The following MYO15B variants were observed in gnomAD, a reference collection of about 807,000 sequenced individuals.
The protein encoded by MYO15B is myosin XVB, also known as myosin XVB pseudogene.
In MYO15B, 207 loss-of-function variants were observed where a neutral mutation model predicts 119.3. That is an observed-to-expected ratio of 1.73 (90% confidence interval 1.55 to 1.95). MYO15B has a LOEUF of 1.95. Among genes scored for constraint, MYO15B ranks in the 30% most tolerant of loss-of-function variants. The probability of loss-of-function intolerance (pLI) is 0.00; values close to 1 mark genes in which losing one functional copy is unlikely to be tolerated. For synonymous variants in MYO15B, 966 were observed against 498.9 expected, an observed-to-expected ratio of 1.94 and a Z score of -12.48; for missense variants, 2,264 against 1,203.1, an observed-to-expected ratio of 1.88 and a Z score of -13.04.
Position 75,626,070 on chromosome 17 carries a change from G to A in MYO15B, c.9073-18G>A. 1.4e-6 allele frequency: 1 copy of A among 701,780 alleles called. No homozygotes were observed. The allele number at this position is 701,780 out of a possible 1,614,324, so 43.5% of individuals were successfully genotyped here. Reference sequence around the variant, plus strand: ...CCTCCCCGGAGAGGAGACCAGCCCTGCTCTCTGCTGCCCCCAGAGCCTGTA... The same window carrying A: ...CCTCCCCGGAGAGGAGACCAGCCCTACTCTCTGCTGCCCCCAGAGCCTGTA... On this transcript the variant is annotated intron_variant, in intron 62 of 63. Coordinates refer to ENST00000645453, the Ensembl canonical transcript of MYO15B.
Position 75,589,226 on chromosome 17 carries a change from C to T in MYO15B, c.1169C>T (p.Pro390Leu), listed in dbSNP as rs929537850. The change falls in exon 1 of 64, where the codon CCG becomes CTG. Residue 390 changes from proline (P) to leucine (L), a missense_variant. Physicochemically the swap from Pro to Leu is moderately conservative, Grantham distance 98. Coordinates refer to ENST00000645453, the Ensembl canonical transcript of MYO15B. This position sits in a 1 kb window ranked among gnomAD's most constrained non-coding sequence, Gnocchi z 4.2. ...CGGCGGCTGCGGCTGCGGCGGCGGCCGCCAGAGGGCGAGGGGCAGGGTACC... is the reference window on the plus strand; with the variant it reads ...CGGCGGCTGCGGCTGCGGCGGCGGCTGCCAGAGGGCGAGGGGCAGGGTACC... 1 of 400,168 alleles carries T rather than the reference C, an allele frequency of 2.5e-6. No homozygotes were observed. Among genetic ancestry groups the T allele is most frequent in the Non-Finnish European group, 4.4e-6 (1 of 228,138 alleles). 24.8% of individuals were successfully genotyped at this position (400,168 alleles called of 1,614,324 possible). A position where few individuals can be genotyped will look rare whatever the true frequency, so the allele number is the denominator to read the frequency against.
intron 22 of MYO15B, chr17:75,610,649 C>G: frequency 5.3e-6 from 3 of 567,048 alleles, no homozygotes; most frequent in Non-Finnish European, 9.5e-6. Context: ...GGACTTTGTC[C>G]CCTGGGACCA....
exon 17 of MYO15B, chr17:75,602,888 C>T (rs2147861410): frequency 2.9e-6 from 2 of 684,482 alleles, no homozygotes; most frequent in East Asian, 2.7e-5. Flanking sequence ...CGAGGCAGAC[C>T]CACGCTGGCC....
chr17:75,591,858 G>C (rs547645075), intron 5 of MYO15B, 119 bp from the exon 6 acceptor site: 85 of 667,558 alleles, frequency 1.3e-4, no homozygotes, highest in African/African-American at 1.2e-3. Context: ...CCTGGGGTCA[G>C]CTGCAGGCAC....
chr17:75,616,785 G>A, exon 39 of MYO15B: 1 of 703,006 alleles, frequency 1.4e-6, no homozygotes, highest in South Asian at 1.5e-5. Flanking sequence ...CAGCCATCCA[G>A]GTGGGCCCCC....
At chr17:75,605,077 T>A (rs1319889885) in intron 19 of MYO15B, among the ~76,000 whole-genome samples, 2 of 149,892 alleles carry the variant, frequency 1.3e-5, no homozygotes, top group Non-Finnish European at 3.0e-5. Flanking sequence ...GTGGAGATTG[T>A]GGTGAGCTGA....
rs2056597613 is a variant in MYO15B at position 75,593,219 on chromosome 17, AAG to A, written c.2991+380_2991+381del. 1.0e-4 allele frequency among the ~76,000 whole-genome samples: 15 copies of A among 143,336 alleles called. No homozygotes were observed. In the South Asian group the frequency reaches 2.9e-3, roughly 28 times the overall value. The allele number at this position is 143,336 out of a possible 152,430, so 94.0% of individuals were successfully genotyped here. On this transcript the variant is annotated intron_variant, in intron 9 of 63. Transcript: ENST00000645453. ...TATTAAAAAAAAAAAAAAAAAAAAA[AAG>A]GGTTGGCGGTGGTGGCTCACACCTG...
chr17:75,598,853 A>G (rs559462181), intron 14 of MYO15B, among the ~76,000 whole-genome samples: 2 of 144,430 alleles, frequency 1.4e-5, no homozygotes, highest in African/African-American at 4.9e-5. Flanking sequence ...ATCCCCCAGC[A>G]TGGATTTCCA....
At chr17:75,625,206 C>T in exon 60 of MYO15B, 1 of 702,560 alleles carries the variant, frequency 1.4e-6, no homozygotes, top group Non-Finnish European at 2.6e-6. Flanking sequence ...CCCTGCAGCA[C>T]CTCAGCAAGG....
Position 75,594,457 on chromosome 17 carries a change from C to G in MYO15B, c.2992-18C>G, listed in dbSNP as rs1598721172. On this transcript the variant is annotated intron_variant, in intron 9 of 63. Transcript: ENST00000645453. The stretch of plus-strand genomic sequence containing the variant: ...ATTCCTGAAGCAGAGATCTCCCTGT[C>G]CCTCCCTCTCTGTGTAGCGAGAGTC... 2 of 595,404 alleles carry G rather than the reference C, an allele frequency of 3.4e-6. No homozygotes were observed. Among genetic ancestry groups the G allele is most frequent in the Non-Finnish European group, 3.0e-6 (1 of 332,748 alleles). 36.9% of individuals were successfully genotyped at this position (595,404 alleles called of 1,614,324 possible).
chr17:75,596,631 A>G (rs1375564533), intron 13 of MYO15B, 76 bp downstream of exon 13: 6 of 693,270 alleles, frequency 8.7e-6, no homozygotes, highest in Non-Finnish European at 1.3e-5. Context: ...GGTGAAGGAA[A>G]GTTGGGAACT....
At chr17:75,624,498 C>T (rs1249593290) in intron 57 of MYO15B, 45 bp from the exon 58 acceptor site, 2 of 703,020 alleles carry the variant, frequency 2.8e-6, no homozygotes, top group South Asian at 1.5e-5. Context: ...AGTTCTGGGT[C>T]CCCCAGCCTC....
At chr17:75,621,876 C>T (rs980816252) in intron 52 of MYO15B, 128 bp from the exon 53 acceptor site, 2 of 632,058 alleles carry the variant, frequency 3.2e-6, no homozygotes, top group East Asian at 2.7e-5. Context: ...GCTGCCCTGG[C>T]TGGCATCTAT....
intron 21 of MYO15B, chr17:75,607,018 G>T: frequency 2.5e-6 from 1 of 398,514 alleles, no homozygotes. Flanking sequence ...CAGAGCTGGG[G>T]ATGCCAGAGA....
chr17:75,615,588 G>C lies in MYO15B; in HGVS notation c.5826G>C (p.Gln1942His), dbSNP rs149677325. 695 of 700,726 alleles carry C rather than the reference G, an allele frequency of 9.9e-4. 4 individuals carry two copies. In the African/African-American group the frequency reaches 0.011, roughly 11 times the overall value. The allele number at this position is 700,726 out of a possible 1,614,324, so 43.4% of individuals were successfully genotyped here. A position where few individuals can be genotyped will look rare whatever the true frequency, so the allele number is the denominator to read the frequency against. The change falls in exon 35 of 64, where the codon CAG becomes CAC. Residue 1942 changes from glutamine (Q) to histidine (H), a missense_variant. Transcript: ENST00000645453. ...AGCAGCAGAACTTTATCCAGCAGCA[G>C]GCGCTAATCCTGGTGAGCGCTGGCA...
At chr17:75,591,640 G>C in exon 5 of MYO15B, 1 of 702,824 alleles carries the variant, frequency 1.4e-6, no homozygotes, top group Non-Finnish European at 2.6e-6. Flanking sequence ...CAGGGAAGAC[G>C]GAAGCCGCCA....
intron 41 of MYO15B, 51 bp downstream of exon 41, chr17:75,617,355 G>A (rs557022145): frequency 1.0e-5 from 6 of 589,282 alleles, no homozygotes; most frequent in South Asian, 1.0e-4. Context: ...GGCAGAGGCA[G>A]GGTTCGCACA....
At chr17:75,596,586 G>A in intron 13 of MYO15B, 31 bp downstream of exon 13, 2 of 702,484 alleles carry the variant, frequency 2.8e-6, no homozygotes, top group Non-Finnish European at 5.2e-6. Context: ...CGTGGCAGGG[G>A]CCGCTCAGGC....
exon 1 of MYO15B, chr17:75,588,014 G>A (rs1295988628): frequency 2.5e-6 from 1 of 398,378 alleles, no homozygotes. Context: ...CCGGGGAGGG[G>A]AAAGGACCTG....
Sources: gnomAD v4.1 joint callset for allele counts (sites outside exome capture counted in the v4.1 genomes callset) on GRCh38, gnomAD v4.1.1 for gene constraint, Gnocchi (gnomAD v3.1) non-coding constraint, MANE v1.5 for transcripts, NCBI Gene and HGNC (gene_info 2026-07-23, HGNC 2026-07-21) for gene names.